Variants in ROR1 observed in about 807,000 individuals in gnomAD.
ROR1 encodes ROR family WNT receptor 1.
Under a neutral mutation model 78.8 loss-of-function variants are expected in ROR1, and 19 were observed. The ratio of observed to expected loss-of-function variants is 0.24; its 90% CI spans 0.17 to 0.35. The LOEUF is 0.35. Among genes scored for constraint, ROR1 ranks in the 10% least tolerant of loss-of-function variants. The pLI, the probability that ROR1 is intolerant of heterozygous loss-of-function variation, is 1.00. For missense variants in ROR1, 917 were observed against 1,177.8 expected, an observed-to-expected ratio of 0.78 and a Z score of 3.24; for synonymous variants, 386 against 433.6, an observed-to-expected ratio of 0.89 and a Z score of 1.36.
At position 63,799,054 on chromosome 1, in the gene ROR1, T is replaced by C. The variant is rs550632558; in HGVS notation, c.91+24546T>C. The stretch of plus-strand genomic sequence containing the variant: ...GCATCATCATTTATTAGCCACGTAA[T>C]CTTAAATACTTTTGCTTAATGTTTC... On this transcript the variant is annotated intron_variant, in intron 1 of 8. Coordinates refer to ENST00000371079, the MANE Select transcript of ROR1 (RefSeq NM_005012.4). Among the ~76,000 whole-genome samples, 4 of 152,212 alleles carry C rather than the reference T, an allele frequency of 2.6e-5. No homozygotes were observed. The South Asian group carries it at 8.3e-4, about 32-fold the overall frequency.
Position 64,049,733 on chromosome 1 carries a change from C to T in ROR1, c.206C>T (p.Thr69Met), listed in dbSNP as rs749580497. The T allele has an allele frequency of 6.5e-5, 105 of 1,614,096 alleles. No individual in the cohort carries two copies. Among genetic ancestry groups the T allele is most frequent in the Non-Finnish European group, 8.3e-5 (98 of 1,179,998 alleles). ...GATGAACCAATGAATAACATCACCA[C>T]GTCTCTGGGCCAGACAGCAGAACTG... ...TLDEPMNNIT[T>M]SLGQTAELHC... The change falls in exon 3 of 9, where the codon ACG becomes ATG. Residue 69 changes from threonine (T) to methionine (M), a missense_variant. Thr to Met is a moderately conservative substitution (Grantham distance 81). Coordinates refer to ENST00000371079, the MANE Select transcript of ROR1 (RefSeq NM_005012.4).
At chr1:63,999,243 A>T (rs910353659) in intron 1 of ROR1, among the ~76,000 whole-genome samples, 2 of 152,260 alleles carry the variant, frequency 1.3e-5, no homozygotes, top group Non-Finnish European at 2.9e-5. Context: ...ATACGTGATT[A>T]TGACAGGTGA....
chr1:63,921,301 G>A (rs916208318), intron 1 of ROR1, among the ~76,000 whole-genome samples: 34 of 152,186 alleles, frequency 2.2e-4, no homozygotes, highest in Non-Finnish European at 4.4e-4. Context: ...CGATTTGAAA[G>A]TGCTGTGGTG....
At chr1:64,008,015 G>A (rs1646443568) in intron 1 of ROR1, among the ~76,000 whole-genome samples, 1 of 149,624 alleles carries the variant, frequency 6.7e-6, no homozygotes, top group African/African-American at 2.5e-5. Flanking sequence ...TACATGTACA[G>A]GCTTGTTGTG....
intron 1 of ROR1, among the ~76,000 whole-genome samples, chr1:63,848,630 AT>A (rs5774667): frequency 0.074 from 11,207 of 152,076 alleles, 845 homozygotes; most frequent in African/African-American, 0.2. Flanking sequence ...GCTTTTTTGG[AT>A]TTAATTACTA....
At chr1:64,063,783 T>C (rs942256741) in intron 4 of ROR1, among the ~76,000 whole-genome samples, 2 of 152,148 alleles carry the variant, frequency 1.3e-5, no homozygotes, top group African/African-American at 4.8e-5. Context: ...ATAAATTACC[T>C]GTACCTGGGC....
At chr1:63,972,926 A>G (rs1242053496) in intron 1 of ROR1, among the ~76,000 whole-genome samples, 1 of 152,260 alleles carries the variant, frequency 6.6e-6, no homozygotes, top group East Asian at 1.9e-4. Context: ...CAGCTAAACA[A>G]TACATGGCTC....
intron 8 of ROR1, among the ~76,000 whole-genome samples, chr1:64,169,685 A>G (rs1032477488): frequency 6.6e-6 from 1 of 152,200 alleles, no homozygotes. Context: ...TCAGAAGTCC[A>G]CAGTCCAAAG....
At chr1:64,130,477 G>C (rs1648873575) in intron 4 of ROR1, among the ~76,000 whole-genome samples, 1 of 152,024 alleles carries the variant, frequency 6.6e-6, no homozygotes, top group African/African-American at 2.4e-5. Context: ...CCCCTTCCTG[G>C]ATCCTCACCC....
Position 64,055,793 on chromosome 1 carries a change from A to G in ROR1, c.482+5077A>G, listed in dbSNP as rs1182951304. Among the ~76,000 whole-genome samples, 4 of 152,312 alleles carry G rather than the reference A, an allele frequency of 2.6e-5. No homozygotes were observed. The South Asian group carries it at 6.2e-4, about 24-fold the overall frequency. ...TTTTACTATATTCACAAAATTTTGCAACTCTCACTACTATCTTATTTTAGA... is the reference window on the plus strand; with the variant it reads ...TTTTACTATATTCACAAAATTTTGCGACTCTCACTACTATCTTATTTTAGA... On this transcript the variant is annotated intron_variant, in intron 4 of 8. Transcript: ENST00000371079.
chr1:64,156,309 T>C (rs1047964875), intron 7 of ROR1, among the ~76,000 whole-genome samples: 3 of 152,348 alleles, frequency 2.0e-5, no homozygotes, highest in Non-Finnish European at 4.4e-5. Context: ...CAGACCGTCT[T>C]CTACTCAGGT....
At chr1:63,935,359 C>G (rs889611625) in intron 1 of ROR1, among the ~76,000 whole-genome samples, 3 of 152,132 alleles carry the variant, frequency 2.0e-5, no homozygotes, top group Non-Finnish European at 4.4e-5. Context: ...GTCCTGTTTA[C>G]CAGCAGAGGG....
chr1:64,072,356 A>G (rs964522274), intron 4 of ROR1, among the ~76,000 whole-genome samples: 1 of 152,056 alleles, frequency 6.6e-6, no homozygotes, highest in African/African-American at 2.4e-5. Flanking sequence ...GCTCTGGACT[A>G]AGAGGAAAGA....
intron 4 of ROR1, among the ~76,000 whole-genome samples, chr1:64,067,479 A>G (rs1432992467): frequency 7.1e-6 from 1 of 141,160 alleles, no homozygotes; most frequent in Non-Finnish European, 1.5e-5. Context: ...GCCATACTTG[A>G]TCTGTACTTA....
chr1:63,881,190 A>G (rs538666648), intron 1 of ROR1, among the ~76,000 whole-genome samples: 76 of 152,304 alleles, frequency 5.0e-4, no homozygotes, highest in African/African-American at 1.8e-3. Flanking sequence ...ATCTTTATCA[A>G]CACTAGAGTG....
At chr1:64,101,637 G>A (rs1034688123) in intron 4 of ROR1, among the ~76,000 whole-genome samples, 2 of 151,880 alleles carry the variant, frequency 1.3e-5, no homozygotes, top group African/African-American at 4.8e-5. Flanking sequence ...TTACATTCTT[G>A]AGGGGGAACC....
intron 1 of ROR1, among the ~76,000 whole-genome samples, chr1:63,857,787 G>A (rs1645158023): frequency 6.6e-6 from 1 of 152,190 alleles, no homozygotes; most frequent in Non-Finnish European, 1.5e-5. Flanking sequence ...TCTGAAGACT[G>A]TCTTGCTCCA....
intron 1 of ROR1, among the ~76,000 whole-genome samples, chr1:63,892,059 A>G (rs1645401382): frequency 6.6e-6 from 1 of 152,286 alleles, no homozygotes; most frequent in East Asian, 1.9e-4. Flanking sequence ...TGTCCCTACT[A>G]CTTAGTGATT....
At position 64,177,796 on chromosome 1, in the gene ROR1, C is replaced by T; in HGVS notation, c.1755C>T (p.Ser585=). 6.2e-7 allele frequency: 1 copy of T among 1,614,090 alleles called. No homozygotes were observed. The highest frequency in any genetic ancestry group is 1.1e-5 in the South Asian group (1 of 91,076). Residue 585 remains serine (S), a synonymous_variant, in exon 9 of 9, where the codon TCC becomes TCT. Coordinates refer to ENST00000371079, the MANE Select transcript of ROR1 (RefSeq NM_005012.4). The stretch of plus-strand genomic sequence containing the variant: ...GTGATGAAGATGGGACTGTGAAATC[C>T]AGCCTGGACCACGGAGATTTTCTGC... The part of the protein sequence containing the change: ...CSSDEDGTVK[S]SLDHGDFLHI...
Sources: allele counts gnomAD v4.1 joint callset (sites outside exome capture counted in the v4.1 genomes callset), GRCh38; gene constraint gnomAD v4.1.1; transcripts MANE v1.5; gene names NCBI Gene and HGNC (gene_info 2026-07-23, HGNC 2026-07-21).